Variants in RBFOX1 observed in about 807,000 individuals in gnomAD.
The protein encoded by RBFOX1 is RNA binding fox-1 homolog 1.
A neutral mutation model predicts 57.7 loss-of-function variants in RBFOX1; 8 were observed. The ratio of observed to expected loss-of-function variants is 0.14; its 90% CI spans 0.08 to 0.25. RBFOX1 has a LOEUF of 0.25. Among genes scored for constraint, RBFOX1 ranks in the 10% least tolerant of loss-of-function variants. RBFOX1 has a pLI of 1.00. For synonymous variants in RBFOX1, 326 were observed against 222.4 expected (o/e 1.47, Z -4.15); for missense variants, 611 against 548.5 (o/e 1.11, Z -1.14).
intron 4 of RBFOX1, among the ~76,000 whole-genome samples, chr16:7,181,995 A>G (rs1341813983): frequency 6.6e-6 from 1 of 152,242 alleles, no homozygotes; most frequent in African/African-American, 2.4e-5. Flanking sequence ...AATAACAAGC[A>G]TACCACTGAT....
chr16:7,095,824 A>T (rs2061597647), intron 4 of RBFOX1, among the ~76,000 whole-genome samples: 2 of 152,102 alleles, frequency 1.3e-5, no homozygotes, highest in African/African-American at 4.8e-5. Flanking sequence ...CATCCTGGCT[A>T]ACACGGTGAA....
intron 4 of RBFOX1, among the ~76,000 whole-genome samples, chr16:7,364,193 T>G (rs2097389609): frequency 6.6e-6 from 1 of 152,232 alleles, no homozygotes; most frequent in Non-Finnish European, 1.5e-5. Flanking sequence ...AGCTCTTGTC[T>G]GTTACATCAG....
intron 4 of RBFOX1, among the ~76,000 whole-genome samples, chr16:7,388,623 A>G (rs975180867): frequency 1.4e-5 from 2 of 147,898 alleles, no homozygotes; most frequent in African/African-American, 5.0e-5. Flanking sequence ...GCAGTCCCCA[A>G]CTTAAAAGTG....
chr16:6,984,813 G>A (rs1234811366), intron 3 of RBFOX1, among the ~76,000 whole-genome samples: 1 of 151,930 alleles, frequency 6.6e-6, no homozygotes, highest in Non-Finnish European at 1.5e-5. Context: ...GCTAATTTTT[G>A]TATTTTTAGC....
intron 2 of RBFOX1, among the ~76,000 whole-genome samples, chr16:6,418,324 G>A (rs1264375149): frequency 6.6e-6 from 1 of 152,090 alleles, no homozygotes; most frequent in Non-Finnish European, 1.5e-5. Flanking sequence ...TATAGTAATG[G>A]AGAAAGAACA....
At chr16:6,389,523 C>T (rs2092483549) in intron 2 of RBFOX1, among the ~76,000 whole-genome samples, 1 of 152,074 alleles carries the variant, frequency 6.6e-6, no homozygotes, top group Non-Finnish European at 1.5e-5. Flanking sequence ...TGTGGTTTTT[C>T]AGAACTCTAA....
At chr16:6,262,662 G>A (rs56945626) in intron 1 of RBFOX1, among the ~76,000 whole-genome samples, 3,860 of 152,206 alleles carry the variant, frequency 0.025, 110 homozygotes, top group African/African-American at 0.07. Flanking sequence ...GGGAAGAATC[G>A]GAACAAAGGG....
chr16:7,299,229 C>T (rs1038602628), intron 4 of RBFOX1, among the ~76,000 whole-genome samples: 4 of 152,074 alleles, frequency 2.6e-5, no homozygotes, highest in African/African-American at 4.8e-5. Flanking sequence ...GCATTTTATT[C>T]GTTATTTGAT....
chr16:6,490,497 T>G (rs2095607853), intron 2 of RBFOX1, among the ~76,000 whole-genome samples: 1 of 152,224 alleles, frequency 6.6e-6, no homozygotes, highest in Non-Finnish European at 1.5e-5. Context: ...CCAGCTGTCC[T>G]CAGCTTACCA....
At chr16:5,308,198 A>G (rs2063987645) in intron 1 of RBFOX1, among the ~76,000 whole-genome samples, 1 of 151,954 alleles carries the variant, frequency 6.6e-6, no homozygotes. Context: ...AAAATTAGCC[A>G]GGCATGGTGG....
intron 2 of RBFOX1, among the ~76,000 whole-genome samples, chr16:6,489,018 T>G (rs556421414): frequency 1.3e-5 from 2 of 152,324 alleles, no homozygotes; most frequent in Non-Finnish European, 2.9e-5. Flanking sequence ...CCTTATTCCC[T>G]TACAGTCTGA....
chr16:6,009,507 A>C (rs1240392835), intron 4 of RBFOX1, among the ~76,000 whole-genome samples: 1 of 152,166 alleles, frequency 6.6e-6, no homozygotes, highest in Non-Finnish European at 1.5e-5. Context: ...GAGTGTTCCC[A>C]TGGGTTCCCT....
At chr16:6,594,574 T>C (rs1297750828) in intron 2 of RBFOX1, among the ~76,000 whole-genome samples, 1 of 152,060 alleles carries the variant, frequency 6.6e-6, no homozygotes, top group Non-Finnish European at 1.5e-5. Flanking sequence ...ATGTAAAAGC[T>C]CCTGTTTTTC....
intron 3 of RBFOX1, among the ~76,000 whole-genome samples, chr16:6,803,667 C>T (rs1483236823): frequency 6.6e-6 from 1 of 152,148 alleles, no homozygotes; most frequent in Non-Finnish European, 1.5e-5. Context: ...ATAATTTCTC[C>T]CTGAACAAAT....
At chr16:5,640,830 C>T (rs1171142510) in intron 3 of RBFOX1, among the ~76,000 whole-genome samples, 1 of 67,426 alleles carries the variant, frequency 1.5e-5, no homozygotes, top group Non-Finnish European at 5.3e-5. Context: ...GATACACATA[C>T]ATGCACACAC....
chr16:5,577,038 A>G (rs1354156002), intron 2 of RBFOX1, among the ~76,000 whole-genome samples: 4 of 151,984 alleles, frequency 2.6e-5, no homozygotes, highest in Admixed American at 6.6e-5. Context: ...TCTCTCCCCA[A>G]TTTCCCTCTT....
intron 4 of RBFOX1, among the ~76,000 whole-genome samples, chr16:5,908,925 G>A (rs1242590463): frequency 6.6e-6 from 1 of 151,922 alleles, no homozygotes; most frequent in East Asian, 1.9e-4. Flanking sequence ...GCAAGAAGCT[G>A]GCTGTCTGTC....
intron 1 of RBFOX1, among the ~76,000 whole-genome samples, chr16:6,142,876 C>G (rs989437353): frequency 1.3e-5 from 2 of 152,156 alleles, no homozygotes; most frequent in African/African-American, 4.8e-5. Context: ...TCGGGGCTTC[C>G]TCAAAATTCC....
At chr16:5,431,909 G>C (rs934483033) in intron 1 of RBFOX1, among the ~76,000 whole-genome samples, 2 of 152,128 alleles carry the variant, frequency 1.3e-5, no homozygotes, top group Non-Finnish European at 2.9e-5. Context: ...GAGGACCACA[G>C]TTCCAGTAGG....
Sources: gnomAD v4.1 joint callset for allele counts (sites outside exome capture counted in the v4.1 genomes callset) on GRCh38, gnomAD v4.1.1 for gene constraint, MANE v1.5 for transcripts, NCBI Gene and HGNC (gene_info 2026-07-23, HGNC 2026-07-21) for gene names.